Variants in SEMA6D observed in about 807,000 individuals in gnomAD.
SEMA6D encodes semaphorin-6D.
In SEMA6D, 35 loss-of-function variants were observed where a neutral mutation model predicts 106.6. The observed-to-expected ratio is 0.33, with a 90% CI of 0.25 to 0.44. The LOEUF (loss-of-function observed/expected upper bound fraction) is 0.44. Among genes scored for constraint, SEMA6D ranks in the 20% least tolerant of loss-of-function variants. The pLI is 1.00. For missense variants in SEMA6D, 1,185 were observed against 1,345.9 expected, an observed-to-expected ratio of 0.88 and a Z score of 1.87; for synonymous variants, 499 against 487.7, an observed-to-expected ratio of 1.02 and a Z score of -0.31.
intron 2 of SEMA6D, among the ~76,000 whole-genome samples, chr15:47,424,313 G>C (rs967833973): frequency 4.6e-5 from 7 of 150,918 alleles, no homozygotes; most frequent in Admixed American, 1.3e-4. Flanking sequence ...AATATATACA[G>C]AGCCGTAAGA....
At chr15:47,201,821 T>C (rs1894744929) in intron 1 of SEMA6D, among the ~76,000 whole-genome samples, 1 of 152,174 alleles carries the variant, frequency 6.6e-6, no homozygotes, top group Non-Finnish European at 1.5e-5. Flanking sequence ...CCAGTTGGTC[T>C]CTTATTCAAG....
chr15:47,411,083 A>G (rs1868925809), intron 1 of SEMA6D, among the ~76,000 whole-genome samples: 1 of 151,494 alleles, frequency 6.6e-6, no homozygotes. Context: ...ATGATTCCTT[A>G]GCTGAGTTTT....
At chr15:47,437,551 C>G (rs2041758972) in intron 2 of SEMA6D, among the ~76,000 whole-genome samples, 1 of 152,134 alleles carries the variant, frequency 6.6e-6, no homozygotes, top group Non-Finnish European at 1.5e-5. Flanking sequence ...CCACCCACAA[C>G]AGTCTGAAAT....
At chr15:47,256,607 T>C (rs1375208643) in intron 1 of SEMA6D, among the ~76,000 whole-genome samples, 1 of 152,168 alleles carries the variant, frequency 6.6e-6, no homozygotes, top group African/African-American at 2.4e-5. Flanking sequence ...ACACCTGTAA[T>C]CTCAGCACTT....
Position 47,281,567 on chromosome 15 carries a change from C to T in SEMA6D, c.-239+97149C>T, listed in dbSNP as rs570339649. Among the ~76,000 whole-genome samples, 25 of 151,788 alleles carry T rather than the reference C, an allele frequency of 1.6e-4. No homozygotes were observed. In the East Asian group the frequency reaches 2.9e-3, roughly 18 times the overall value. ...TTGTTATGTGTGAATTTGATCCTGT[C>T]GTTATGATGTTAGCTGGTTATTTTG... On this transcript the variant is annotated intron_variant, in intron 1 of 19. Coordinates refer to the SEMA6D transcript ENST00000558014.
At chr15:47,396,103 T>G (rs2040205422) in intron 1 of SEMA6D, among the ~76,000 whole-genome samples, 1 of 152,098 alleles carries the variant, frequency 6.6e-6, no homozygotes, top group Non-Finnish European at 1.5e-5. Flanking sequence ...GGCAACCCTC[T>G]GCAAGCCAGG....
intron 3 of SEMA6D, among the ~76,000 whole-genome samples, chr15:47,489,585 G>T (rs951178145): frequency 4.6e-5 from 7 of 152,064 alleles, no homozygotes; most frequent in African/African-American, 1.7e-4. Flanking sequence ...ACACCTTGGG[G>T]GTTGCATTCC....
At chr15:47,291,628 C>T (rs913158558) in intron 1 of SEMA6D, among the ~76,000 whole-genome samples, 1 of 152,194 alleles carries the variant, frequency 6.6e-6, no homozygotes, top group Non-Finnish European at 1.5e-5. Flanking sequence ...ACTTCACTCC[C>T]AGATATTTCT....
intron 4 of SEMA6D, among the ~76,000 whole-genome samples, chr15:47,656,611 A>ATTGAGCC (rs1442467509): frequency 6.6e-6 from 1 of 152,212 alleles, no homozygotes; most frequent in Non-Finnish European, 1.5e-5. Flanking sequence ...GCTGTCCAGA[A>ATTGAGCC]TTGAGCCTCT....
In SEMA6D at chr15:47,314,904, G is replaced by C. The variant is rs1382225976; in HGVS notation, c.-238-97489G>C. 4.0e-5 allele frequency among the ~76,000 whole-genome samples: 5 copies of C among 126,382 alleles called. 1 individual carries two copies. Among genetic ancestry groups the C allele is most frequent in the African/African-American group, 6.3e-5 (2 of 31,688 alleles). 82.9% of individuals were successfully genotyped at this position (126,382 alleles called of 152,430 possible). On this transcript the variant is annotated intron_variant, in intron 1 of 19. Coordinates refer to the SEMA6D transcript ENST00000558014. ...TTTTTGAGACGGAGTCTCGCTCTGT[G>C]GCCCAGGCGAGAGTGCAGTGGCGCA...
In SEMA6D at chr15:47,534,356, T is replaced by C. The variant is rs146882892; in HGVS notation, c.-87+63811T>C. On this transcript the variant is annotated intron_variant, in intron 3 of 19. Transcript: ENST00000558014. ...CAGGCGTGCCCAGCTAATTTTTTTA[T>C]ATGTTTAGTAGAGATGAGGTTTCAC... Among the ~76,000 whole-genome samples, 917 of 151,906 alleles carry C rather than the reference T, an allele frequency of 6.0e-3. 12 individuals are homozygous for C. The highest frequency in any genetic ancestry group is 0.021 in the African/African-American group (857 of 41,426).
At chr15:47,199,626 G>C (rs1199133626) in intron 1 of SEMA6D, among the ~76,000 whole-genome samples, 2 of 152,088 alleles carry the variant, frequency 1.3e-5, no homozygotes, top group African/African-American at 4.8e-5. Flanking sequence ...AACTACAGAA[G>C]AGCTAGAAAT....
intron 2 of SEMA6D, among the ~76,000 whole-genome samples, chr15:47,452,619 T>G (rs2042227525): frequency 6.6e-6 from 1 of 151,986 alleles, no homozygotes; most frequent in Non-Finnish European, 1.5e-5. Flanking sequence ...GGGATGTTTT[T>G]GGGTTTGTTT....
chr15:47,388,168 T>C (rs1038275519), intron 1 of SEMA6D, among the ~76,000 whole-genome samples: 15 of 152,128 alleles, frequency 9.9e-5, no homozygotes, highest in African/African-American at 3.6e-4. Context: ...AGAAGGTTGT[T>C]AAGAGCAAAC....
At chr15:47,500,986 G>C (rs548347777) in intron 3 of SEMA6D, among the ~76,000 whole-genome samples, 2 of 152,132 alleles carry the variant, frequency 1.3e-5, no homozygotes, top group East Asian at 3.9e-4. Flanking sequence ...AAATAATTCT[G>C]GTTATCTCAG....
intron 4 of SEMA6D, among the ~76,000 whole-genome samples, chr15:47,618,745 T>A (rs895636799): frequency 6.6e-6 from 1 of 152,240 alleles, no homozygotes; most frequent in African/African-American, 2.4e-5. Context: ...CAGAGTTGAA[T>A]GACTGCTACA....
chr15:47,745,277 C>A (rs2081064739), intron 1 of SEMA6D, among the ~76,000 whole-genome samples: 1 of 152,344 alleles, frequency 6.6e-6, no homozygotes, highest in Admixed American at 6.5e-5. Context: ...TTCAAGAACT[C>A]CTTCCGTCCT....
At chr15:47,257,317 A>T (rs12905205) in intron 1 of SEMA6D, among the ~76,000 whole-genome samples, 57,537 of 152,002 alleles carry the variant, frequency 0.38, 11,261 homozygotes, top group East Asian at 0.69. Flanking sequence ...TTGGCCCCCC[A>T]AAGTTCTGGG....
chr15:47,193,099 T>C (rs1894079902), intron 1 of SEMA6D, among the ~76,000 whole-genome samples: 1 of 152,190 alleles, frequency 6.6e-6, no homozygotes, highest in African/African-American at 2.4e-5. Flanking sequence ...TGAGAGGCCA[T>C]ATTGCATGGT....
Sources: allele counts gnomAD v4.1 joint callset (sites outside exome capture counted in the v4.1 genomes callset), GRCh38; gene constraint gnomAD v4.1.1; transcripts MANE v1.5; gene names NCBI Gene and HGNC (gene_info 2026-07-23, HGNC 2026-07-21).